Variants in RBFOX1 observed in about 807,000 individuals in gnomAD.
RBFOX1 encodes the protein RNA binding protein fox-1 homolog 1.
In RBFOX1, 8 loss-of-function variants were observed where a neutral mutation model predicts 57.7. The observed-to-expected ratio is 0.14, with a 90% CI of 0.08 to 0.25. RBFOX1 has a LOEUF of 0.25. Among genes scored for constraint, RBFOX1 ranks in the 10% least tolerant of loss-of-function variants. The probability of loss-of-function intolerance (pLI) is 1.00; values close to 1 mark genes in which losing one functional copy is unlikely to be tolerated. For synonymous variants in RBFOX1, 326 were observed against 222.4 expected, an observed-to-expected ratio of 1.47 and a Z score of -4.15; for missense variants, 611 against 548.5, an observed-to-expected ratio of 1.11 and a Z score of -1.14.
intron 2 of RBFOX1, among the ~76,000 whole-genome samples, chr16:6,534,257 ATGTG>A (rs143116379): frequency 1.8e-4 from 27 of 149,442 alleles, no homozygotes; most frequent in African/African-American, 4.6e-4. Flanking sequence ...ATCAGTGTGT[ATGTG>A]TGTGTGTGTG....
At chr16:5,436,448 G>T (rs563604588) in intron 1 of RBFOX1, among the ~76,000 whole-genome samples, 1 of 152,244 alleles carries the variant, frequency 6.6e-6, no homozygotes, top group Admixed American at 6.5e-5. Context: ...TTTGCATTCA[G>T]GCCACATTAC....
At chr16:5,471,316 G>T (rs999366995) in intron 2 of RBFOX1, among the ~76,000 whole-genome samples, 3 of 152,210 alleles carry the variant, frequency 2.0e-5, no homozygotes, top group Admixed American at 2.0e-4. Flanking sequence ...TGAAAAACAG[G>T]TGATCTAGTC....
chr16:6,084,083 C>A (rs903399937), intron 1 of RBFOX1, among the ~76,000 whole-genome samples: 2 of 152,178 alleles, frequency 1.3e-5, no homozygotes, highest in African/African-American at 4.8e-5. Flanking sequence ...GCAACTTGCA[C>A]TTAGGGGCCT....
At chr16:7,068,363 A>G (rs1301820381) in intron 4 of RBFOX1, among the ~76,000 whole-genome samples, 1 of 152,112 alleles carries the variant, frequency 6.6e-6, no homozygotes, top group Non-Finnish European at 1.5e-5. Flanking sequence ...CTCCATTTTC[A>G]TATAAAATAT....
At chr16:6,918,685 G>T (rs1459735341) in intron 3 of RBFOX1, among the ~76,000 whole-genome samples, 2 of 152,140 alleles carry the variant, frequency 1.3e-5, no homozygotes, top group South Asian at 4.1e-4. Flanking sequence ...CATATCTCTG[G>T]TCGTTTCAGA....
At chr16:6,909,209 G>A (rs1324351968) in intron 3 of RBFOX1, among the ~76,000 whole-genome samples, 2 of 152,086 alleles carry the variant, frequency 1.3e-5, no homozygotes, top group African/African-American at 4.8e-5. Flanking sequence ...TCCCTTTGCC[G>A]GTTTCTAGAG....
At chr16:7,517,048 GT>G (rs1222597871) in intron 4 of RBFOX1, among the ~76,000 whole-genome samples, 1 of 151,838 alleles carries the variant, frequency 6.6e-6, no homozygotes, top group Non-Finnish European at 1.5e-5. Context: ...TAATTGCTAA[GT>G]TTTTTTCCTC....
At chr16:5,932,032 G>A (rs1381855695) in intron 4 of RBFOX1, among the ~76,000 whole-genome samples, 1 of 152,008 alleles carries the variant, frequency 6.6e-6, no homozygotes. Context: ...TCGGACTCTT[G>A]GACTCAAGCA....
At chr16:5,441,246 T>C (rs2068074690) in intron 1 of RBFOX1, among the ~76,000 whole-genome samples, 1 of 152,196 alleles carries the variant, frequency 6.6e-6, no homozygotes, top group African/African-American at 2.4e-5. Context: ...ACTCCTTCTT[T>C]CATTCAGTTT....
At chr16:6,514,191 C>T (rs1289612003) in intron 2 of RBFOX1, among the ~76,000 whole-genome samples, 2 of 152,150 alleles carry the variant, frequency 1.3e-5, no homozygotes, top group African/African-American at 4.8e-5. Flanking sequence ...AAAGGCTTAT[C>T]TCCCATCCTT....
chr16:7,093,952 A>AT lies in RBFOX1; in HGVS notation c.27+41861dup, dbSNP rs539866735. On this transcript the variant is annotated intron_variant, in intron 4 of 15. Transcript: ENST00000550418. ...GGTGTGACTATATAAGGCGTATATA[A>AT]TTTTTTTAAACAAAACCTGGTGAGT... Among the ~76,000 whole-genome samples the AT allele has an allele frequency of 9.2e-3, 1,393 of 151,836 alleles. 14 individuals carry two copies. The highest frequency in any genetic ancestry group is 0.011 in the Non-Finnish European group (746 of 67,958).
chr16:6,688,905 G>A (rs1463400755), intron 3 of RBFOX1, among the ~76,000 whole-genome samples: 7 of 152,136 alleles, frequency 4.6e-5, no homozygotes, highest in Admixed American at 6.6e-5. Flanking sequence ...TTCTGTTCCT[G>A]TGTCAGTTTC....
intron 2 of RBFOX1, among the ~76,000 whole-genome samples, chr16:6,559,750 C>T (rs1317008989): frequency 6.6e-6 from 1 of 151,768 alleles, no homozygotes; most frequent in Non-Finnish European, 1.5e-5. Flanking sequence ...TCTTTATATC[C>T]ATATATTGAA....
intron 1 of RBFOX1, among the ~76,000 whole-genome samples, chr16:6,098,100 G>C (rs1038147097): frequency 6.6e-6 from 1 of 152,102 alleles, no homozygotes; most frequent in African/African-American, 2.4e-5. Flanking sequence ...GAGGAGAAGG[G>C]GTCGGTCACC....
chr16:7,077,296 G>T (rs565732201), intron 4 of RBFOX1, among the ~76,000 whole-genome samples: 5 of 152,316 alleles, frequency 3.3e-5, no homozygotes, highest in South Asian at 4.1e-4. Context: ...GTACATCGGT[G>T]ATGTCCATGT....
intron 4 of RBFOX1, among the ~76,000 whole-genome samples, chr16:7,180,019 A>T (rs2082386174): frequency 6.6e-6 from 1 of 152,104 alleles, no homozygotes; most frequent in Non-Finnish European, 1.5e-5. Flanking sequence ...CTGGAAATAT[A>T]GGCTTGAGCC....
intron 1 of RBFOX1, among the ~76,000 whole-genome samples, chr16:5,256,742 C>T (rs2062599095): frequency 6.6e-6 from 1 of 152,024 alleles, no homozygotes; most frequent in African/African-American, 2.4e-5. Flanking sequence ...CGATACCAGC[C>T]TGGCCAATAT....
At chr16:6,799,794 G>C (rs2084939185) in intron 3 of RBFOX1, among the ~76,000 whole-genome samples, 1 of 152,016 alleles carries the variant, frequency 6.6e-6, no homozygotes, top group Non-Finnish European at 1.5e-5. Context: ...TAACACCAGT[G>C]GTTTGCTAGA....
chr16:6,817,029 C>T (rs935346676), intron 3 of RBFOX1, among the ~76,000 whole-genome samples: 5 of 152,056 alleles, frequency 3.3e-5, no homozygotes, highest in East Asian at 1.9e-4. Flanking sequence ...ATGGCAGGTG[C>T]GAGTCACCAT....
Sources: allele counts gnomAD v4.1 joint callset (sites outside exome capture counted in the v4.1 genomes callset), GRCh38; gene constraint gnomAD v4.1.1; transcripts MANE v1.5; gene names NCBI Gene and HGNC (gene_info 2026-07-23, HGNC 2026-07-21).